HECW1: variants seen among roughly 807,000 people sequenced by gnomAD.
HECW1 encodes HECT, C2 and WW domain containing E3 ubiquitin protein ligase 1, also known as E3 ubiquitin-protein ligase HECW1.
In HECW1, 61 loss-of-function variants were observed where a neutral mutation model predicts 182.3. The ratio of observed to expected loss-of-function variants is 0.33; its 90% CI spans 0.27 to 0.41. HECW1 has a LOEUF of 0.41. HECW1 is among the 10% of genes least tolerant of loss of function. The pLI is 1.00. For synonymous variants in HECW1, 859 were observed against 832.6 expected, an observed-to-expected ratio of 1.03 and a Z score of -0.55; for missense variants, 1,739 against 2,108.9, an observed-to-expected ratio of 0.82 and a Z score of 3.44.
Position 43,137,749 on chromosome 7 carries a change from C to A in HECW1, c.-32+23358C>A, listed in dbSNP as rs188944004. ...ATTTTTAGTAGAGATAGGGTTTCAC[C>A]ATGTTGCTCAGGCTGGTCTCGAACT... On this transcript the variant is annotated intron_variant, in intron 2 of 29. Transcript: ENST00000395891. Among the ~76,000 whole-genome samples, 493 of 152,024 alleles carry A rather than the reference C, an allele frequency of 3.2e-3. 2 individuals carry two copies. The highest frequency in any genetic ancestry group is 5.6e-3 in the Non-Finnish European group (384 of 67,988).
At chr7:43,558,309 T>C (rs1202311030) in intron 29 of HECW1, among the ~76,000 whole-genome samples, 1 of 152,164 alleles carries the variant, frequency 6.6e-6, no homozygotes, top group African/African-American at 2.4e-5. Flanking sequence ...ACCAGGGATA[T>C]CAAAGCTATG....
At chr7:43,200,772 T>G (rs1427615822) in intron 2 of HECW1, among the ~76,000 whole-genome samples, 1 of 152,186 alleles carries the variant, frequency 6.6e-6, no homozygotes, top group Non-Finnish European at 1.5e-5. Flanking sequence ...CACTTCTGCC[T>G]CCCTGTTGGA....
chr7:43,552,052 T>C (rs938391519), intron 27 of HECW1, among the ~76,000 whole-genome samples, 170 bp from the exon 28 acceptor site: 5 of 152,158 alleles, frequency 3.3e-5, no homozygotes, highest in African/African-American at 9.7e-5. Flanking sequence ...AGGAAAAGGA[T>C]ATAAACATTC....
chr7:43,445,420 C>A lies in HECW1; in HGVS notation c.2248C>A (p.Pro750Thr). 6.2e-7 allele frequency: 1 copy of A among 1,613,456 alleles called. No individual in the cohort carries two copies. The highest frequency in any genetic ancestry group is 8.5e-7 in the Non-Finnish European group (1 of 1,179,982). Residue 750 changes from proline to threonine, a missense_variant, in exon 11 of 30, where the codon CCC becomes ACC. This residue lies in a region of HECW1 where 971 missense variants were observed against 1,029.1 expected (regional missense o/e 0.94). Transcript: ENST00000395891. Reference sequence around the variant, plus strand: ...GGAGAACAGCGCGTTCGAGTCGGTACCCGACTCCATGCAGAGCCCTGAGCT... The same window carrying A: ...GGAGAACAGCGCGTTCGAGTCGGTAACCGACTCCATGCAGAGCCCTGAGCT... ...EEENSAFESV[P>T]DSMQSPELDP... is the part of the protein sequence containing the mutation.
intron 27 of HECW1, 32 bp downstream of exon 27, chr7:43,550,623 G>A: frequency 6.4e-7 from 1 of 1,566,510 alleles, no homozygotes; most frequent in Non-Finnish European, 8.6e-7. Flanking sequence ...AAGGCAAGCT[G>A]TGGCCAGGGT....
chr7:43,501,242 T>TC lies in HECW1; in HGVS notation c.3556dup (p.Leu1186ProfsTer10). On this transcript the variant is annotated frameshift_variant, in exon 21 of 30. Transcript: ENST00000395891. LOFTEE classifies it high-confidence loss of function. ...TTTGAAGAAGAGATTATGTCCTACG[T>TC]CCCCCTGCAGGCTGCCTTCCACCCT... 1 of 1,573,346 alleles carries TC rather than the reference T, an allele frequency of 6.4e-7. No homozygotes were observed. The highest frequency in any genetic ancestry group is 8.7e-7 in the Non-Finnish European group (1 of 1,146,280).
intron 29 of HECW1, among the ~76,000 whole-genome samples, chr7:43,555,915 T>TA (rs61465429): frequency 0.8 from 121,030 of 152,238 alleles, 48,564 homozygotes; most frequent in African/African-American, 0.91. Flanking sequence ...AGTTGAATGA[T>TA]GATTTCAAGA....
At chr7:43,342,194 C>T (rs1328374287) in intron 5 of HECW1, among the ~76,000 whole-genome samples, 4 of 151,686 alleles carry the variant, frequency 2.6e-5, no homozygotes, top group Admixed American at 2.6e-4. Flanking sequence ...CATAAATTTT[C>T]CAGTGTTTAC....
chr7:43,388,646 T>C (rs899480444), intron 6 of HECW1, among the ~76,000 whole-genome samples: 4 of 152,126 alleles, frequency 2.6e-5, no homozygotes, highest in Non-Finnish European at 4.4e-5. Context: ...TTTGTTTTGT[T>C]TTGTTTTTGA....
intron 2 of HECW1, among the ~76,000 whole-genome samples, chr7:43,211,111 G>A (rs1467192937): frequency 6.6e-6 from 1 of 152,268 alleles, no homozygotes; most frequent in Admixed American, 6.5e-5. Context: ...ATTTTAGTGA[G>A]CTCTCTCATT....
chr7:43,214,536 G>A (rs186062076), intron 2 of HECW1, among the ~76,000 whole-genome samples: 13 of 152,116 alleles, frequency 8.5e-5, no homozygotes, highest in Non-Finnish European at 1.2e-4. Flanking sequence ...AGATGGCAAC[G>A]CTACTTTCCC....
At chr7:43,195,521 C>A (rs545938748) in intron 2 of HECW1, among the ~76,000 whole-genome samples, 16 of 152,138 alleles carry the variant, frequency 1.1e-4, no homozygotes, top group Non-Finnish European at 2.1e-4. Context: ...ATGTTACTGC[C>A]CCAGAAAGCA....
intron 3 of HECW1, among the ~76,000 whole-genome samples, chr7:43,290,295 C>A (rs1488565890): frequency 6.6e-6 from 1 of 152,096 alleles, no homozygotes; most frequent in Non-Finnish European, 1.5e-5. Flanking sequence ...TGATGTTATA[C>A]CACAGTCAGT....
intron 2 of HECW1, among the ~76,000 whole-genome samples, chr7:43,221,118 C>T (rs1489716449): frequency 6.6e-6 from 1 of 152,160 alleles, no homozygotes; most frequent in East Asian, 1.9e-4. Context: ...GGTAAGGGGA[C>T]AGTACATATT....
intron 6 of HECW1, among the ~76,000 whole-genome samples, chr7:43,372,342 A>T (rs1490274978): frequency 6.6e-6 from 1 of 152,152 alleles, no homozygotes; most frequent in Non-Finnish European, 1.5e-5. Flanking sequence ...ATATTTACTA[A>T]CAAAGGGTTA....
In HECW1 at chr7:43,507,117, C is replaced by T. The variant is rs762838143; in HGVS notation, c.3632-20C>T. 2 of 1,610,256 alleles carry T rather than the reference C, an allele frequency of 1.2e-6. No homozygotes were observed. Among genetic ancestry groups the T allele is most frequent in the South Asian group, 2.2e-5 (2 of 90,596 alleles). On this transcript the variant is annotated intron_variant, in intron 21 of 29. Transcript: ENST00000395891. ...AGAAGAAGAAAGAAAGTGATGACCT[C>T]TGTGTGCTTCTCTCTGCAGGTTTAC...
chr7:43,337,631 C>T (rs532445747), intron 5 of HECW1, among the ~76,000 whole-genome samples: 40 of 152,322 alleles, frequency 2.6e-4, no homozygotes, highest in African/African-American at 9.6e-4. Context: ...TTTCTTCTAA[C>T]AGTCTGACAC....
At chr7:43,459,384 T>G (rs1233643297) in intron 13 of HECW1, among the ~76,000 whole-genome samples, 1 of 152,246 alleles carries the variant, frequency 6.6e-6, no homozygotes, top group African/African-American at 2.4e-5. Flanking sequence ...CTTTCACAAA[T>G]ATTTACTGAA....
At chr7:43,166,216 T>C (rs1791092659) in intron 2 of HECW1, among the ~76,000 whole-genome samples, 1 of 152,224 alleles carries the variant, frequency 6.6e-6, no homozygotes, top group Non-Finnish European at 1.5e-5. Flanking sequence ...CCCAAGTAGC[T>C]GGGATTACAG....
Sources: allele counts gnomAD v4.1 joint callset (sites outside exome capture counted in the v4.1 genomes callset), GRCh38; gene constraint gnomAD v4.1.1; regional missense constraint gnomAD v4.1.1; transcripts MANE v1.5; gene names NCBI Gene and HGNC (gene_info 2026-07-23, HGNC 2026-07-21).